BMPR1B: variants seen among roughly 807,000 people sequenced by gnomAD.
BMPR1B encodes bone morphogenetic protein receptor type-1B.
Under a neutral mutation model 59.1 loss-of-function variants are expected in BMPR1B, and 12 were observed. That is an observed-to-expected ratio of 0.20 (90% confidence interval 0.13 to 0.33). The LOEUF (loss-of-function observed/expected upper bound fraction) is 0.33. Among genes scored for constraint, BMPR1B ranks in the 10% least tolerant of loss-of-function variants. The pLI is 1.00. For missense variants in BMPR1B, 550 were observed against 610.9 expected, an observed-to-expected ratio of 0.90 and a Z score of 1.05; for synonymous variants, 237 against 207.3, an observed-to-expected ratio of 1.14 and a Z score of -1.23.
Position 95,131,344 on chromosome 4 carries a change from A to G in BMPR1B, c.908A>G (p.Lys303Arg). The G allele has an allele frequency of 6.2e-7, 1 of 1,614,046 alleles. No individual in the cohort carries two copies. The highest frequency in any genetic ancestry group is 1.1e-5 in the South Asian group (1 of 91,072). ...STTLDAKSML[K>R]LAYSSVSGLC... is the part of the protein sequence containing the mutation. ...ACCCTAGACGCTAAATCAATGCTGA[A>G]GTTAGCCTACTCTTCTGTCAGTGGC... The change falls in exon 10 of 13, where the codon AAG (lysine) becomes AGG (arginine). Residue 303 changes from lysine to arginine, a missense_variant. Physicochemically the swap from Lys to Arg is conservative, Grantham distance 26. This residue lies in a region of BMPR1B where 318 missense variants were observed against 284.6 expected (regional missense o/e 1.12). Coordinates refer to ENST00000515059, the MANE Select transcript of BMPR1B (RefSeq NM_001203.3).
chr4:94,941,562 T>G (rs1034365446), intron 2 of BMPR1B, among the ~76,000 whole-genome samples: 1 of 152,200 alleles, frequency 6.6e-6, no homozygotes, highest in African/African-American at 2.4e-5. Flanking sequence ...AAAATAAAGT[T>G]AGACATTTAA....
chr4:94,821,887 C>T (rs1724223197), intron 1 of BMPR1B, among the ~76,000 whole-genome samples: 1 of 152,176 alleles, frequency 6.6e-6, no homozygotes, highest in East Asian at 1.9e-4. Flanking sequence ...CTTCCAACTC[C>T]TCTTTCTCCC....
intron 3 of BMPR1B, among the ~76,000 whole-genome samples, chr4:95,054,364 A>T (rs1234527778): frequency 6.6e-6 from 1 of 152,134 alleles, no homozygotes; most frequent in Non-Finnish European, 1.5e-5. Flanking sequence ...TTTTACTAGA[A>T]AGAGATACAG....
At chr4:95,077,831 A>G (rs1728826362) in intron 3 of BMPR1B, among the ~76,000 whole-genome samples, 1 of 152,254 alleles carries the variant, frequency 6.6e-6, no homozygotes, top group African/African-American at 2.4e-5. Context: ...CTTGCAAAAT[A>G]CAAGATGTAA....
At chr4:94,905,857 TAAG>T (rs1463086520) in intron 2 of BMPR1B, among the ~76,000 whole-genome samples, 3 of 151,924 alleles carry the variant, frequency 2.0e-5, no homozygotes, top group Non-Finnish European at 4.4e-5. Context: ...GAACTTTTAC[TAAG>T]AGAACAGTGA....
At chr4:94,948,461 C>T (rs1003113485) in intron 2 of BMPR1B, among the ~76,000 whole-genome samples, 1 of 152,118 alleles carries the variant, frequency 6.6e-6, no homozygotes, top group Non-Finnish European at 1.5e-5. Flanking sequence ...AAGCACAAAA[C>T]CAGTATTTTT....
intron 2 of BMPR1B, among the ~76,000 whole-genome samples, chr4:94,884,625 A>T (rs1727102625): frequency 6.6e-6 from 1 of 152,180 alleles, no homozygotes; most frequent in African/African-American, 2.4e-5. Context: ...AGTTTCTCAT[A>T]ACCTTATTTA....
At chr4:94,889,411 T>A (rs1343105940) in intron 2 of BMPR1B, among the ~76,000 whole-genome samples, 1 of 152,102 alleles carries the variant, frequency 6.6e-6, no homozygotes, top group Non-Finnish European at 1.5e-5. Context: ...AAGAAACGGA[T>A]GCTCTAATTG....
intron 1 of BMPR1B, among the ~76,000 whole-genome samples, chr4:94,776,709 A>T (rs1041826002): frequency 4.6e-5 from 7 of 152,174 alleles, no homozygotes; most frequent in Non-Finnish European, 8.8e-5. Context: ...AACTTGTAAT[A>T]CCCCAGAGTC....
chr4:95,046,138 C>T (rs1726043125), intron 3 of BMPR1B, among the ~76,000 whole-genome samples: 1 of 152,022 alleles, frequency 6.6e-6, no homozygotes, highest in Non-Finnish European at 1.5e-5. Flanking sequence ...CCCCTGGGCT[C>T]AATCAAGCAG....
Position 94,996,124 on chromosome 4 carries a change from TA to T in BMPR1B, c.-26del, listed in dbSNP as rs918618706. On this transcript the variant is annotated 5_prime_UTR_variant, in exon 3 of 13. Transcript: ENST00000515059. ...AAAAGTTAAACAAGCAAGCCTGCCA[TA>T]AGTGAGAAGGTAAGTAATTAGCCAG... 4 of 152,218 alleles carry T rather than the reference TA, an allele frequency of 2.6e-5. No homozygotes were observed. Among genetic ancestry groups the T allele is most frequent in the African/African-American group, 4.8e-5 (2 of 41,438 alleles). The allele number at this position is 152,218 out of a possible 1,614,324, so 9.4% of individuals were successfully genotyped here. A position where few individuals can be genotyped will look rare whatever the true frequency, so the allele number is the denominator to read the frequency against.
At chr4:95,053,110 G>A (rs1460435415) in intron 3 of BMPR1B, among the ~76,000 whole-genome samples, 1 of 152,110 alleles carries the variant, frequency 6.6e-6, no homozygotes, top group African/African-American at 2.4e-5. Flanking sequence ...CAGAATCTTT[G>A]AATCATAAAA....
intron 2 of BMPR1B, among the ~76,000 whole-genome samples, chr4:94,958,990 G>A (rs1215926771): frequency 6.6e-6 from 1 of 152,118 alleles, no homozygotes; most frequent in Non-Finnish European, 1.5e-5. Flanking sequence ...GAAACACGAG[G>A]AAGCTGATTT....
chr4:94,785,423 A>G (rs1019270021), intron 1 of BMPR1B, among the ~76,000 whole-genome samples: 3 of 152,244 alleles, frequency 2.0e-5, no homozygotes, highest in African/African-American at 7.2e-5. Context: ...TGACCTTGGC[A>G]TGCAGTGGCA....
At chr4:95,068,117 G>A (rs943200040) in intron 3 of BMPR1B, among the ~76,000 whole-genome samples, 1 of 152,094 alleles carries the variant, frequency 6.6e-6, no homozygotes, top group Non-Finnish European at 1.5e-5. Context: ...ATTTTAAACA[G>A]GGGAATGATG....
At chr4:94,781,380 A>G (rs1001323605) in intron 1 of BMPR1B, among the ~76,000 whole-genome samples, 1 of 152,068 alleles carries the variant, frequency 6.6e-6, no homozygotes, top group African/African-American at 2.4e-5. Flanking sequence ...CTTTGGTATC[A>G]TATTAACCAT....
Position 95,123,822 on chromosome 4 carries a change from G to T in BMPR1B, c.362G>T (p.Gly121Val), listed in dbSNP as rs1732707161. ...PPLKNRDFVD[G>V]PIHHRALLIS... The stretch of plus-strand genomic sequence containing the variant: ...TTTTTAATTTCAGATTTTGTTGATG[G>T]ACCTATACACCACAGGGCTTTACTT... The change falls in exon 7 of 13, where the codon GGA becomes GTA. Residue 121 changes from glycine to valine, a missense_variant. Coordinates refer to ENST00000515059, the MANE Select transcript of BMPR1B (RefSeq NM_001203.3). The T allele has an allele frequency of 6.2e-7, 1 of 1,608,676 alleles. No homozygotes were observed. Among genetic ancestry groups the T allele is most frequent in the Non-Finnish European group, 8.5e-7 (1 of 1,176,774 alleles).
chr4:94,793,862 ATTGT>A (rs1334331860), intron 1 of BMPR1B, among the ~76,000 whole-genome samples: 1 of 150,384 alleles, frequency 6.6e-6, no homozygotes. Flanking sequence ...TTTTGATGGG[ATTGT>A]TTGTTTTTTT....
intron 1 of BMPR1B, among the ~76,000 whole-genome samples, chr4:94,795,221 T>C (rs1456340845): frequency 1.1e-4 from 17 of 148,086 alleles, no homozygotes; most frequent in Non-Finnish European, 1.8e-4. Context: ...TGAGAGTTTT[T>C]AGCATGAAGG....
Sources: allele counts gnomAD v4.1 joint callset (sites outside exome capture counted in the v4.1 genomes callset), GRCh38; gene constraint gnomAD v4.1.1; regional missense constraint gnomAD v4.1.1; transcripts MANE v1.5; gene names NCBI Gene and HGNC (gene_info 2026-07-23, HGNC 2026-07-21).